AZI2: variants seen among roughly 807,000 people sequenced by gnomAD.
The protein encoded by AZI2 is 5-azacytidine induced 2.
Under a neutral mutation model 45.8 loss-of-function variants are expected in AZI2, and 22 were observed. That is an observed-to-expected ratio of 0.48 (90% confidence interval 0.34 to 0.69). AZI2 has a LOEUF of 0.69. Among genes scored for constraint, AZI2 ranks in the 30% least tolerant of loss-of-function variants. The probability of loss-of-function intolerance (pLI) is 0.01; values close to 1 mark genes in which losing one functional copy is unlikely to be tolerated. For synonymous variants in AZI2, 137 were observed against 156.7 expected (o/e 0.87, Z 0.94); for missense variants, 417 against 441.5 (o/e 0.94, Z 0.50).
rs1253803347 is a variant in AZI2 at position 28,340,469 on chromosome 3, T to C, written c.149A>G (p.Lys50Arg). The change falls in exon 2 of 8, where the codon AAA becomes AGA. Residue 50 changes from lysine (K) to arginine (R), a missense_variant. By Grantham distance (26) the Lys-to-Arg change is conservative. Coordinates refer to ENST00000479665, the MANE Select transcript of AZI2 (RefSeq NM_022461.5). ...CTCTTTCTCTGAATCCTTAAGTCGT[T>C]TTTTGATGTCTTCATATGCAGTGAC... ...ALVTAYEDIKKRLKDSEKENS... is the reference protein window; with the variant it reads ...ALVTAYEDIKRRLKDSEKENS... 2 of 1,612,774 alleles carry C rather than the reference T, an allele frequency of 1.2e-6. No homozygotes were observed. The highest frequency in any genetic ancestry group is 2.7e-5 in the African/African-American group (2 of 74,898).
intron 1 of AZI2, among the ~76,000 whole-genome samples, chr3:28,343,451 A>C (rs1704107033): frequency 1.3e-5 from 2 of 152,074 alleles, no homozygotes; most frequent in East Asian, 3.9e-4. Context: ...TGGTAGAGGC[A>C]CTGTGGATTT....
chr3:28,327,787 C>A (rs1281115928), intron 6 of AZI2, among the ~76,000 whole-genome samples: 1 of 150,544 alleles, frequency 6.6e-6, no homozygotes, highest in Non-Finnish European at 1.5e-5. Context: ...AAATCTTCAG[C>A]ACATATTCTC....
rs569217788 is a variant in AZI2 at position 28,324,015 on chromosome 3, A to G, written c.*27T>C. The G allele has an allele frequency of 1.3e-6, 2 of 1,571,826 alleles. No homozygotes were observed. Among genetic ancestry groups the G allele is most frequent in the Non-Finnish European group, 1.7e-6 (2 of 1,152,344 alleles). On this transcript the variant is annotated 3_prime_UTR_variant, in exon 8 of 8. Coordinates refer to ENST00000479665, the MANE Select transcript of AZI2 (RefSeq NM_022461.5). ...ACCACTGAAAGAGATAAGTGTCCTC[A>G]TGGTGAAATCGTGAATCTCTTCCAA...
intron 5 of AZI2, 119 bp from the exon 6 acceptor site, chr3:28,332,546 G>T: frequency 2.9e-6 from 2 of 699,284 alleles, no homozygotes; most frequent in Non-Finnish European, 4.7e-6. Flanking sequence ...TAAGTGCAAA[G>T]AATACAATTA....
chr3:28,330,856 CTT>C (rs1256329168), intron 6 of AZI2, among the ~76,000 whole-genome samples: 1 of 151,430 alleles, frequency 6.6e-6, no homozygotes, highest in East Asian at 1.9e-4. Flanking sequence ...CGTGAAGTAA[CTT>C]TTAAACTGAA....
chr3:28,329,771 T>C (rs1229116734), intron 6 of AZI2, among the ~76,000 whole-genome samples: 1 of 151,146 alleles, frequency 6.6e-6, no homozygotes, highest in Non-Finnish European at 1.5e-5. Context: ...ACAACTGCGG[T>C]TCCCCCCAAA....
At chr3:28,326,594 A>G in intron 7 of AZI2, 1 of 476,824 alleles carries the variant, frequency 2.1e-6, no homozygotes, top group South Asian at 2.3e-5. Context: ...TGGCTGAGAA[A>G]AGCCACAAGG....
rs1041070669 is a variant in AZI2, at chr3:28,323,172, G to T, written c.*870C>A. The T allele has an allele frequency of 6.6e-6, 1 of 150,956 alleles. No homozygotes were observed. Among genetic ancestry groups the T allele is most frequent in the Non-Finnish European group, 1.5e-5 (1 of 67,290 alleles). The allele number at this position is 150,956 out of a possible 1,614,324, so 9.4% of individuals were successfully genotyped here. A position where few individuals can be genotyped will look rare whatever the true frequency, so the allele number is the denominator to read the frequency against. On this transcript the variant is annotated 3_prime_UTR_variant, in exon 8 of 8. Coordinates refer to ENST00000479665, the MANE Select transcript of AZI2 (RefSeq NM_022461.5). The stretch of plus-strand genomic sequence containing the variant: ...ATTTAGAAGCTGCTCTACACAATGT[G>T]CAGCTAGCTGTAGTCTCTTTGAAGA...
At chr3:28,332,262 C>G in intron 6 of AZI2, 107 bp downstream of exon 6, 3 of 909,942 alleles carry the variant, frequency 3.3e-6, no homozygotes, top group Admixed American at 2.3e-5. Context: ...CAAACAATAT[C>G]CATTTTTTGT....
chr3:28,338,715 A>G (rs1703895696), intron 2 of AZI2, 100 bp from the exon 3 acceptor site: 2 of 1,074,792 alleles, frequency 1.9e-6, no homozygotes, highest in Non-Finnish European at 1.3e-6. Context: ...CAATCGTAAT[A>G]AGGGGATAAA....
chr3:28,329,208 C>T (rs907877541), intron 6 of AZI2, among the ~76,000 whole-genome samples: 1 of 151,236 alleles, frequency 6.6e-6, no homozygotes, highest in South Asian at 2.1e-4. Context: ...AGGCACTTCA[C>T]CTACATTGTC....
rs745689737 is a variant in AZI2, at chr3:28,338,547, T to G, written c.285A>C (p.Ala95=). The G allele has an allele frequency of 2.6e-5, 42 of 1,607,010 alleles. No individual in the cohort carries two copies. Among genetic ancestry groups the G allele is most frequent in the Non-Finnish European group, 3.5e-5 (41 of 1,175,298 alleles). Residue 95 remains alanine, a synonymous_variant, in exon 3 of 8, where the codon GCA becomes GCC. Coordinates refer to ENST00000479665, the MANE Select transcript of AZI2 (RefSeq NM_022461.5). ...GREQVNKAYH[A]YREVCIDRDN... ...CTCTATCAATGCAAACCTCTCGATA[T>G]GCATGATAGGCCTTATTTACTTGTT...
intron 1 of AZI2, among the ~76,000 whole-genome samples, chr3:28,347,852 G>C (rs942647562): frequency 2.0e-5 from 3 of 152,188 alleles, no homozygotes; most frequent in African/African-American, 7.2e-5. Flanking sequence ...TTGAGATCTT[G>C]CTCAATCCAA....
chr3:28,339,575 T>A (rs1168375031), intron 2 of AZI2, among the ~76,000 whole-genome samples: 1 of 152,178 alleles, frequency 6.6e-6, no homozygotes, highest in Non-Finnish European at 1.5e-5. Flanking sequence ...TCCTTTTCTC[T>A]TACTTCCCAC....
intron 5 of AZI2, among the ~76,000 whole-genome samples, chr3:28,334,155 A>T (rs947039253): frequency 2.6e-5 from 4 of 151,798 alleles, no homozygotes; most frequent in African/African-American, 7.3e-5. Context: ...ACAAACAAAC[A>T]AACTAAAACA....
At chr3:28,346,551 T>C (rs1436330601) in intron 1 of AZI2, among the ~76,000 whole-genome samples, 2 of 150,054 alleles carry the variant, frequency 1.3e-5, no homozygotes, top group African/African-American at 4.9e-5. Flanking sequence ...CACAGCAGTA[T>C]GTGACAAAAC....
chr3:28,323,913 C>G lies in AZI2; in HGVS notation c.*129G>C. The G allele has an allele frequency of 9.3e-7, 1 of 1,074,864 alleles. No homozygotes were observed. Among genetic ancestry groups the G allele is most frequent in the Non-Finnish European group, 1.3e-6 (1 of 749,018 alleles). 66.6% of individuals were successfully genotyped at this position (1,074,864 alleles called of 1,614,324 possible). ...TTTTTGTACTATTGTACAGTGTGTT[C>G]AAATATAGATACTGAAGACCTCTGC... On this transcript the variant is annotated 3_prime_UTR_variant, in exon 8 of 8. Transcript: ENST00000479665.
intron 6 of AZI2, among the ~76,000 whole-genome samples, chr3:28,331,350 A>C (rs1320852378): frequency 1.3e-5 from 2 of 151,526 alleles, no homozygotes; most frequent in Admixed American, 1.3e-4. Flanking sequence ...CATGGATACT[A>C]TACTAGACAC....
chr3:28,335,307 TATAA>T (rs1462590493), intron 5 of AZI2, among the ~76,000 whole-genome samples: 2 of 151,936 alleles, frequency 1.3e-5, no homozygotes, highest in African/African-American at 4.8e-5. Context: ...TCAAACAGAA[TATAA>T]ATAATGACAA....
Sources: gnomAD v4.1 joint callset for allele counts (sites outside exome capture counted in the v4.1 genomes callset) on GRCh38, gnomAD v4.1.1 for gene constraint, MANE v1.5 for transcripts, NCBI Gene and HGNC (gene_info 2026-07-23, HGNC 2026-07-21) for gene names.